The following TMEM116 variants were observed in gnomAD, a reference collection of about 807,000 sequenced individuals.
TMEM116 encodes transmembrane protein 116.
TMEM116 carries 38 observed loss-of-function variants against 44.3 expected under a neutral mutation model. That is an observed-to-expected ratio of 0.86 (90% CI 0.66 to 1.12). The LOEUF (loss-of-function observed/expected upper bound fraction) is 1.12, where lower values mean the gene tolerates loss of function less well. Among genes scored for constraint, TMEM116 ranks in the 50% most tolerant of loss-of-function variants. TMEM116 has a pLI of 0.00. For missense variants in TMEM116, 354 were observed against 401.7 expected (o/e 0.88, Z 1.01); for synonymous variants, 132 against 144.8 (o/e 0.91, Z 0.64).
chr12:112,012,170 T>C (rs1370816779), intron 1 of TMEM116: 2 of 152,358 alleles, frequency 1.3e-5, no homozygotes, highest in East Asian at 1.9e-4. Context: ...CTTTGCCTCA[T>C]GCACGCCCCC....
At chr12:111,978,277 T>C (rs1046463650) in intron 4 of TMEM116, among the ~76,000 whole-genome samples, 4 of 151,950 alleles carry the variant, frequency 2.6e-5, no homozygotes, top group Non-Finnish European at 2.9e-5. Flanking sequence ...GGTGCATGCC[T>C]GTAATCCCAG....
chr12:111,948,451 A>C (rs2073450279), intron 4 of TMEM116, among the ~76,000 whole-genome samples: 1 of 152,236 alleles, frequency 6.6e-6, no homozygotes, highest in African/African-American at 2.4e-5. Flanking sequence ...TTAGTGCTTC[A>C]TACAGTGCCA....
At chr12:111,950,257 A>G (rs2073616536) in intron 4 of TMEM116, among the ~76,000 whole-genome samples, 1 of 152,218 alleles carries the variant, frequency 6.6e-6, no homozygotes, top group Non-Finnish European at 1.5e-5. Flanking sequence ...AACCAGAGAC[A>G]TTAAAAACTA....
chr12:112,003,985 TA>T (rs2077432097), intron 2 of TMEM116, 122 bp from the exon 3 acceptor site: 30 of 1,339,206 alleles, frequency 2.2e-5, no homozygotes, highest in Non-Finnish European at 2.7e-5. Context: ...TAAACTGCAT[TA>T]AAAAAATTTT....
chr12:111,944,763 A>G (rs774063899), intron 4 of TMEM116, among the ~76,000 whole-genome samples: 5 of 152,312 alleles, frequency 3.3e-5, no homozygotes, highest in Admixed American at 2.0e-4. Flanking sequence ...AGGTGGGACA[A>G]TCCCTAAAGC....
At chr12:111,993,611 G>C in intron 3 of TMEM116, 1 of 547,924 alleles carries the variant, frequency 1.8e-6, no homozygotes, top group Non-Finnish European at 3.6e-6. Flanking sequence ...AAGGAAGAAG[G>C]CCTAAAAACA....
chr12:111,969,767 A>G (rs763635695), intron 4 of TMEM116, among the ~76,000 whole-genome samples: 2 of 145,606 alleles, frequency 1.4e-5, no homozygotes, highest in African/African-American at 5.2e-5. Context: ...TTTAGTAGAG[A>G]CGGGGTTTCT....
At chr12:112,005,805 G>A in intron 1 of TMEM116, 1 of 874,624 alleles carries the variant, frequency 1.1e-6, no homozygotes, top group Non-Finnish European at 1.4e-6. Context: ...TTCACTGATA[G>A]GTAGAAAGAG....
intron 4 of TMEM116, among the ~76,000 whole-genome samples, chr12:111,965,191 T>A (rs545378213): frequency 6.6e-6 from 1 of 152,164 alleles, no homozygotes; most frequent in Non-Finnish European, 1.5e-5. Context: ...TACCCCCATT[T>A]TTTTTTCCTC....
rs1565868066 is a variant in TMEM116 at position 111,937,252 on chromosome 12, G to GAAAAAAAGTATCACCCT, written c.366-26_366-10dup. The GAAAAAAAGTATCACCCT allele has an allele frequency of 2.5e-6, 4 of 1,608,772 alleles. No homozygotes were observed. In the South Asian group the frequency reaches 4.4e-5, roughly 18 times the overall value. On this transcript the variant is annotated splice_polypyrimidine_tract_variant and intron_variant, in intron 6 of 10. Coordinates refer to ENST00000552374, the MANE Select transcript of TMEM116 (RefSeq NM_001193531.2). ...ATAGCAGAGGTATCAGGCTGGGAGG[G>GAAAAAAAGTATCACCCT]AAAAAAAGTATCACCCTAATATCCA...
intron 5 of TMEM116, among the ~76,000 whole-genome samples, chr12:111,940,356 G>A (rs1001584438): frequency 2.4e-4 from 35 of 147,424 alleles, no homozygotes; most frequent in Admixed American, 5.4e-4. Flanking sequence ...TTCCTCTTTG[G>A]GTTTTCTTTT....
intron 3 of TMEM116, among the ~76,000 whole-genome samples, chr12:112,003,384 C>G (rs547099183): frequency 1.3e-5 from 2 of 152,060 alleles, no homozygotes; most frequent in African/African-American, 4.8e-5. Flanking sequence ...CTGGCTAACA[C>G]GGTGAAACCC....
chr12:111,957,386 G>T (rs552009735), intron 4 of TMEM116, among the ~76,000 whole-genome samples: 1 of 149,272 alleles, frequency 6.7e-6, no homozygotes, highest in South Asian at 2.2e-4. Flanking sequence ...GAGCCCCTCC[G>T]CCCGGCAGCC....
chr12:112,008,546 T>C (rs547861120), intron 1 of TMEM116, among the ~76,000 whole-genome samples: 51 of 152,130 alleles, frequency 3.4e-4, no homozygotes, highest in African/African-American at 1.2e-3. Context: ...GGCTACTGTA[T>C]ATTATATATC....
chr12:111,943,179 C>T (rs1009144121), intron 5 of TMEM116, 86 bp downstream of exon 5: 4 of 1,067,056 alleles, frequency 3.7e-6, no homozygotes, highest in Non-Finnish European at 5.8e-6. Context: ...CCCCCTCAGC[C>T]TCCCTAACTG....
chr12:111,958,143 C>T (rs1248430195), intron 4 of TMEM116, among the ~76,000 whole-genome samples: 1 of 151,818 alleles, frequency 6.6e-6, no homozygotes, highest in African/African-American at 2.4e-5. Context: ...CTGCGGAAGG[C>T]GGCAGGGCCC....
At chr12:111,940,555 A>C (rs2072715789) in intron 5 of TMEM116, among the ~76,000 whole-genome samples, 1 of 124,244 alleles carries the variant, frequency 8.0e-6, no homozygotes, top group African/African-American at 3.5e-5. Flanking sequence ...ACACACACAC[A>C]TATATATGTG....
chr12:111,932,103 T>C (rs1286259916), intron 10 of TMEM116, among the ~76,000 whole-genome samples: 1 of 151,970 alleles, frequency 6.6e-6, no homozygotes, highest in African/African-American at 2.4e-5. Flanking sequence ...TTTTCCAGGG[T>C]ACCCTTGAGA....
intron 4 of TMEM116, among the ~76,000 whole-genome samples, chr12:111,988,714 G>A (rs1403365647): frequency 7.3e-5 from 11 of 150,032 alleles, no homozygotes; most frequent in Admixed American, 3.4e-4. Flanking sequence ...CGAACAGGCC[G>A]GGCGCGGTGG....
Sources: gnomAD v4.1 joint callset for allele counts (sites outside exome capture counted in the v4.1 genomes callset) on GRCh38, gnomAD v4.1.1 for gene constraint, MANE v1.5 for transcripts, NCBI Gene and HGNC (gene_info 2026-07-23, HGNC 2026-07-21) for gene names.